PRTG: variants seen among roughly 807,000 people sequenced by gnomAD.
The protein encoded by PRTG is immunoglobulin superfamily, DCC subclass, member 5.
Under a neutral mutation model 122.5 loss-of-function variants are expected in PRTG, and 67 were observed. The ratio of observed to expected loss-of-function variants is 0.55; its 90% CI spans 0.45 to 0.67. PRTG has a LOEUF of 0.67. PRTG is among the 30% of genes least tolerant of loss of function. The pLI is 0.00. For synonymous variants in PRTG, 554 were observed against 501.1 expected (o/e 1.11, Z -1.41); for missense variants, 1,435 against 1,415.4 (o/e 1.01, Z -0.22).
At chr15:55,655,253 A>C (rs2059373459) in intron 11 of PRTG, 1 of 152,200 alleles carries the variant, frequency 6.6e-6, no homozygotes. Context: ...ACTGGCTATA[A>C]ACAGTCTATT....
intron 15 of PRTG, among the ~76,000 whole-genome samples, chr15:55,631,026 T>C (rs930184013): frequency 6.6e-6 from 1 of 152,144 alleles, no homozygotes; most frequent in Non-Finnish European, 1.5e-5. Flanking sequence ...ACGGAGGCCA[T>C]CTCTGCAGGT....
chr15:55,629,064 T>C (rs2059211241), intron 15 of PRTG, 60 bp from the exon 16 acceptor site: 2 of 1,158,044 alleles, frequency 1.7e-6, no homozygotes, highest in Non-Finnish European at 2.5e-6. Flanking sequence ...TCACTCATAT[T>C]ATACAAACAC....
At chr15:55,730,557 T>C (rs1234576542) in intron 2 of PRTG, among the ~76,000 whole-genome samples, 2 of 152,056 alleles carry the variant, frequency 1.3e-5, no homozygotes, top group African/African-American at 2.4e-5. Flanking sequence ...TCCCAGCACT[T>C]TGGGAGGCCC....
intron 2 of PRTG, among the ~76,000 whole-genome samples, chr15:55,735,211 T>C (rs1344958082): frequency 6.6e-6 from 1 of 152,170 alleles, no homozygotes; most frequent in Admixed American, 6.5e-5. Context: ...TAAATCCAAG[T>C]AGGATCCTCA....
intron 17 of PRTG, among the ~76,000 whole-genome samples, chr15:55,625,787 C>A (rs1265797289): frequency 6.6e-6 from 1 of 152,054 alleles, no homozygotes; most frequent in Non-Finnish European, 1.5e-5. Flanking sequence ...CCACACCCAG[C>A]TAATTTTGTA....
At chr15:55,628,484 C>T (rs1044316298) in intron 16 of PRTG, among the ~76,000 whole-genome samples, 9 of 152,068 alleles carry the variant, frequency 5.9e-5, no homozygotes, top group Non-Finnish European at 1.3e-4. Context: ...AACACCACAA[C>T]CACCACTGCT....
chr15:55,678,730 C>T (rs761223842), intron 7 of PRTG, among the ~76,000 whole-genome samples: 1 of 152,028 alleles, frequency 6.6e-6, no homozygotes, highest in Non-Finnish European at 1.5e-5. Flanking sequence ...AAATTTGGCT[C>T]ATTAAGAATT....
intron 2 of PRTG, among the ~76,000 whole-genome samples, chr15:55,724,216 T>C (rs1329033650): frequency 6.6e-6 from 1 of 152,232 alleles, no homozygotes; most frequent in African/African-American, 2.4e-5. Flanking sequence ...CTGTTCGATC[T>C]GTTATTTCAC....
chr15:55,639,911 C>G, intron 12 of PRTG, 83 bp from the exon 13 acceptor site: 3 of 1,535,510 alleles, frequency 2.0e-6, no homozygotes, highest in African/African-American at 2.7e-5. Flanking sequence ...TAATAATATC[C>G]CACCCTATAA....
At chr15:55,708,957 C>A (rs2030260239) in intron 2 of PRTG, among the ~76,000 whole-genome samples, 1 of 151,662 alleles carries the variant, frequency 6.6e-6, no homozygotes, top group African/African-American at 2.4e-5. Flanking sequence ...CCAGCCTGGT[C>A]AACATGGTGA....
intron 17 of PRTG, 147 bp from the exon 18 acceptor site, chr15:55,624,654 T>C (rs1397836180): frequency 1.7e-6 from 1 of 587,138 alleles, no homozygotes; most frequent in African/African-American, 1.9e-5. Flanking sequence ...TGTTAGATTT[T>C]AACTTACTGC....
At chr15:55,717,889 T>C (rs1352837147) in intron 2 of PRTG, among the ~76,000 whole-genome samples, 2 of 152,042 alleles carry the variant, frequency 1.3e-5, no homozygotes, top group African/African-American at 4.8e-5. Flanking sequence ...CAAAGCCTGT[T>C]TGGTGGTCTC....
At position 55,620,144 on chromosome 15, in the gene PRTG, A is replaced by G; in HGVS notation, c.3321T>C (p.Val1107=). The change falls in exon 20 of 20, where the codon GTT becomes GTC. Residue 1107 remains valine (V), a synonymous_variant. Coordinates refer to ENST00000389286, the MANE Select transcript of PRTG (RefSeq NM_173814.6). ...QTTSFSRPFG[V]AADTEHSANS... is the part of the protein sequence containing the mutation. ...TTGCTGAATGTTCTGTATCAGCTGC[A>G]ACACCAAAGGGTCTTGAGAAGCTGG... is the stretch of plus-strand genomic sequence containing the variant. 1 of 1,614,218 alleles carries G rather than the reference A, an allele frequency of 6.2e-7. No homozygotes were observed. The highest frequency in any genetic ancestry group is 1.3e-5 in the African/African-American group (1 of 75,054).
intron 18 of PRTG, 31 bp from the exon 19 acceptor site, chr15:55,620,798 T>C: frequency 6.5e-7 from 1 of 1,542,030 alleles, no homozygotes. Context: ...AAATGTAAAA[T>C]ATCCTGGTAT....
chr15:55,731,139 A>C (rs1292532958), intron 2 of PRTG, among the ~76,000 whole-genome samples: 6 of 152,070 alleles, frequency 3.9e-5, no homozygotes, highest in African/African-American at 1.4e-4. Flanking sequence ...TTATTTATTT[A>C]TTTGTCCAAT....
intron 8 of PRTG, among the ~76,000 whole-genome samples, chr15:55,677,241 A>G (rs2059507654): frequency 6.6e-6 from 1 of 152,214 alleles, no homozygotes; most frequent in Admixed American, 6.5e-5. Context: ...TTCTACTTTT[A>G]TATGATGAGA....
chr15:55,611,795 CA>C lies in PRTG; in HGVS notation c.*8216del, dbSNP rs1464627030. ...GACATTAAAAAGATACATTCAAAAT[CA>C]AGGCAAACATTTGCTTTCTTCGTGC... is the stretch of plus-strand genomic sequence containing the variant. On this transcript the variant is annotated 3_prime_UTR_variant, in exon 20 of 20. Coordinates refer to ENST00000389286, the MANE Select transcript of PRTG (RefSeq NM_173814.6). 2 of 151,910 alleles carry C rather than the reference CA, an allele frequency of 1.3e-5. No homozygotes were observed. Among genetic ancestry groups the C allele is most frequent in the East Asian group, 3.9e-4 (2 of 5,184 alleles). 9.4% of individuals were successfully genotyped at this position (151,910 alleles called of 1,614,324 possible).
rs746301981 is a variant in PRTG, at chr15:55,627,100, T to C, written c.2835A>G (p.Gln945=). The C allele has an allele frequency of 6.2e-6, 10 of 1,606,978 alleles. No homozygotes were observed. The East Asian group carries it at 1.8e-4, about 29-fold the overall frequency. The part of the protein sequence containing the change: ...KVYSGYYHLD[Q]KSMTGIAVGV... Reference sequence around the variant, plus strand: ...CTACAGCAATGCCAGTCATTGATTTTTGGTCCAGATGGTAATATCCTGAAT... The same window carrying C: ...CTACAGCAATGCCAGTCATTGATTTCTGGTCCAGATGGTAATATCCTGAAT... The change falls in exon 17 of 20, where the codon CAA becomes CAG. Residue 945 remains glutamine (Q), a synonymous_variant. Transcript: ENST00000389286.
intron 11 of PRTG, among the ~76,000 whole-genome samples, chr15:55,644,728 A>G (rs541222384): frequency 1.3e-4 from 20 of 152,102 alleles, no homozygotes; most frequent in African/African-American, 4.6e-4. Flanking sequence ...TTCCCATGTT[A>G]TATCAGGCGT....
Sources: allele counts gnomAD v4.1 joint callset (sites outside exome capture counted in the v4.1 genomes callset), GRCh38; gene constraint gnomAD v4.1.1; transcripts MANE v1.5; gene names NCBI Gene and HGNC (gene_info 2026-07-23, HGNC 2026-07-21).